The following MXD1 variants were observed in gnomAD, a reference collection of about 807,000 sequenced individuals.
MXD1 encodes the protein MAX-binding protein.
In MXD1, 9 loss-of-function variants were observed where a neutral mutation model predicts 25.7. The observed-to-expected ratio is 0.35, with a 90% CI of 0.21 to 0.61. MXD1 has a LOEUF of 0.61. Ranked by LOEUF, MXD1 falls within the 20% of genes least tolerant of loss-of-function variation. The probability of loss-of-function intolerance (pLI) is 0.75; values close to 1 mark genes in which losing one functional copy is unlikely to be tolerated. For synonymous variants in MXD1, 99 were observed against 113.9 expected (o/e 0.87, Z 0.83); for missense variants, 227 against 292.4 (o/e 0.78, Z 1.63).
At chr2:69,930,477 G>C (rs1002196087) in intron 3 of MXD1, among the ~76,000 whole-genome samples, 1 of 152,146 alleles carries the variant, frequency 6.6e-6, no homozygotes, top group Non-Finnish European at 1.5e-5. Flanking sequence ...ATGTGAACAG[G>C]AAATAAAGGA....
rs1399658295 is a variant in MXD1, at chr2:69,915,738, G to A, written c.73+335G>A. Among the ~76,000 whole-genome samples the A allele has an allele frequency of 1.3e-5, 2 of 152,218 alleles. No homozygotes were observed. Among genetic ancestry groups the A allele is most frequent in the Non-Finnish European group, 2.9e-5 (2 of 68,034 alleles). On this transcript the variant is annotated intron_variant, in intron 1 of 5. Coordinates refer to ENST00000264444, the MANE Select transcript of MXD1 (RefSeq NM_002357.4). This position sits in a 1 kb window ranked among gnomAD's most constrained non-coding sequence, Gnocchi z 5.8. ...CGGCCGGCCCCCAGGTGGGCCCGGC[G>A]CCCCAGTCTCCTGGGCAGAGGAGCA...
At chr2:69,916,780 A>G (rs1192966978) in intron 2 of MXD1, among the ~76,000 whole-genome samples, 1 of 152,218 alleles carries the variant, frequency 6.6e-6, no homozygotes, top group African/African-American at 2.4e-5. Flanking sequence ...CTCTTTAGTG[A>G]TAGAGGAATA....
In MXD1 at chr2:69,915,127, T is replaced by C. The variant is rs1370668631; in HGVS notation, c.-204T>C. The stretch of plus-strand genomic sequence containing the variant: ...GGCTGCTGCTCTGCTCCGGGTTCTG[T>C]CACTGTGTCGGCGGTGCCCAGCTCA... On this transcript the variant is annotated 5_prime_UTR_variant, in exon 1 of 6. Coordinates refer to ENST00000264444, the MANE Select transcript of MXD1 (RefSeq NM_002357.4). The surrounding 1 kb of genome is among the most constrained non-coding windows in gnomAD (Gnocchi z 5.8). The C allele has an allele frequency of 7.3e-6, 3 of 412,648 alleles. No individual in the cohort carries two copies. Among genetic ancestry groups the C allele is most frequent in the Non-Finnish European group, 1.3e-5 (3 of 236,728 alleles). The allele number at this position is 412,648 out of a possible 1,614,324, so 25.6% of individuals were successfully genotyped here.
At position 69,940,877 on chromosome 2, in the gene MXD1, C is replaced by T. The variant is rs1677579379; in HGVS notation, c.*2593C>T. 1 of 152,732 alleles carries T rather than the reference C, an allele frequency of 6.5e-6. No homozygotes were observed. Among genetic ancestry groups the T allele is most frequent in the Admixed American group, 6.5e-5 (1 of 15,288 alleles). The allele number at this position is 152,732 out of a possible 1,614,324, so 9.5% of individuals were successfully genotyped here. A position where few individuals can be genotyped will look rare whatever the true frequency, so the allele number is the denominator to read the frequency against. ...CAGCTAATCCCCCCAACCCCATCCT[C>T]CGCGCCCCGTGCGGCTGATCGGCAG... On this transcript the variant is annotated 3_prime_UTR_variant, in exon 6 of 6. Transcript: ENST00000264444.
chr2:69,937,568 AG>A (rs372383288), intron 5 of MXD1, among the ~76,000 whole-genome samples, 174 bp downstream of exon 5: 5 of 152,174 alleles, frequency 3.3e-5, no homozygotes, highest in African/African-American at 1.2e-4. Context: ...GCTAACACTT[AG>A]GTGACAACCC....
chr2:69,923,647 C>T (rs1308492512), intron 3 of MXD1, among the ~76,000 whole-genome samples: 3 of 152,056 alleles, frequency 2.0e-5, no homozygotes, highest in Non-Finnish European at 2.9e-5. Flanking sequence ...CTCATCCCAT[C>T]GTCTTCCCTT....
chr2:69,921,821 A>G, intron 3 of MXD1, 56 bp downstream of exon 3: 1 of 1,586,278 alleles, frequency 6.3e-7, no homozygotes, highest in Non-Finnish European at 8.6e-7. Context: ...TTCTCTGTTC[A>G]TGCAGTTCAA....
At chr2:69,917,049 C>A (rs550149944) in intron 2 of MXD1, among the ~76,000 whole-genome samples, 1 of 152,198 alleles carries the variant, frequency 6.6e-6, no homozygotes, top group Admixed American at 6.5e-5. Context: ...CTATACCTTT[C>A]CTGCCAGTAA....
At chr2:69,916,008 T>C (rs1676955698) in intron 1 of MXD1, 113 bp from the exon 2 acceptor site, 1 of 704,160 alleles carries the variant, frequency 1.4e-6, no homozygotes, top group South Asian at 1.7e-5. Context: ...TCCATTTAAT[T>C]ATTTCCACAA....
In MXD1 at chr2:69,935,410, A is replaced by C; in HGVS notation, c.263A>C (p.Glu88Ala). Reference protein sequence around the residue: ...KLKGLVPLGPESSRHTTLSLL... With the variant: ...KLKGLVPLGPASSRHTTLSLL... Reference sequence around the variant, plus strand: ...AAGGGGCTGGTGCCACTTGGACCCGAATCAAGTCGACACACTACGTTGAGT... The same window carrying C: ...AAGGGGCTGGTGCCACTTGGACCCGCATCAAGTCGACACACTACGTTGAGT... The change falls in exon 4 of 6, where the codon GAA becomes GCA. Residue 88 changes from glutamate (E) to alanine (A), a missense_variant. Transcript: ENST00000264444. 1 of 1,614,186 alleles carries C rather than the reference A, an allele frequency of 6.2e-7. No homozygotes were observed. The highest frequency in any genetic ancestry group is 8.5e-7 in the Non-Finnish European group (1 of 1,180,024).
chr2:69,941,105 A>AAT lies in MXD1; in HGVS notation c.*2825_*2826dup, dbSNP rs1440898975. Reference sequence around the variant, plus strand: ...TTGTACGTAAATACAGATGTGTATAAATATAGGCACATGCATATTTTTATG... The same window carrying AAT: ...TTGTACGTAAATACAGATGTGTATAAATATATAGGCACATGCATATTTTTATG... On this transcript the variant is annotated 3_prime_UTR_variant, in exon 6 of 6. Coordinates refer to ENST00000264444, the MANE Select transcript of MXD1 (RefSeq NM_002357.4). The AAT allele has an allele frequency of 6.6e-6, 1 of 152,230 alleles. No individual in the cohort carries two copies. Among genetic ancestry groups the AAT allele is most frequent in the Non-Finnish European group, 1.5e-5 (1 of 68,046 alleles). 9.4% of individuals were successfully genotyped at this position (152,230 alleles called of 1,614,324 possible). A position where few individuals can be genotyped will look rare whatever the true frequency, so the allele number is the denominator to read the frequency against.
In MXD1 at chr2:69,921,718, T is replaced by C. The variant is rs371223116; in HGVS notation, c.174-18T>C. ...AGACAAAAATATCTTATTCTTCTCTTATTGTTCCCTCTTTCAGATCAACTC... is the reference window on the plus strand; with the variant it reads ...AGACAAAAATATCTTATTCTTCTCTCATTGTTCCCTCTTTCAGATCAACTC... On this transcript the variant is annotated intron_variant, in intron 2 of 5. Coordinates refer to ENST00000264444, the MANE Select transcript of MXD1 (RefSeq NM_002357.4). The C allele has an allele frequency of 6.2e-7, 1 of 1,606,450 alleles. No homozygotes were observed. Among genetic ancestry groups the C allele is most frequent in the Non-Finnish European group, 8.5e-7 (1 of 1,175,948 alleles).
rs1245016004 is a variant in MXD1 at position 69,941,286 on chromosome 2, T to C, written c.*3002T>C. 2 of 152,220 alleles carry C rather than the reference T, an allele frequency of 1.3e-5. No individual in the cohort carries two copies. The highest frequency in any genetic ancestry group is 4.8e-5 in the African/African-American group (2 of 41,458). The allele number at this position is 152,220 out of a possible 1,614,324, so 9.4% of individuals were successfully genotyped here. On this transcript the variant is annotated 3_prime_UTR_variant, in exon 6 of 6. Coordinates refer to ENST00000264444, the MANE Select transcript of MXD1 (RefSeq NM_002357.4). ...TTCTGTAACATCCTGAAAACATAGC[T>C]TTCCATCCCCTGTTGGCTTTGAATG...
At chr2:69,916,273 A>G (rs1676961642) in intron 2 of MXD1, 53 bp downstream of exon 2, 1 of 1,064,840 alleles carries the variant, frequency 9.4e-7, no homozygotes, top group South Asian at 1.3e-5. Flanking sequence ...TAGGTGACAC[A>G]AACTGCTGAA....
At position 69,941,863 on chromosome 2, in the gene MXD1, TACACAC is replaced by T. The variant is rs373492726; in HGVS notation, c.*3597_*3602del. On this transcript the variant is annotated 3_prime_UTR_variant, in exon 6 of 6. Transcript: ENST00000264444. ...CTTATTTTTGAAAAGTATCTATATA[TACACAC>T]ACACACACACACACACATATTATTA... The T allele has an allele frequency of 4.8e-5, 7 of 144,736 alleles. No individual in the cohort carries two copies. The highest frequency in any genetic ancestry group is 2.1e-4 in the South Asian group (1 of 4,692). 9.0% of individuals were successfully genotyped at this position (144,736 alleles called of 1,614,324 possible).
intron 4 of MXD1, 94 bp downstream of exon 4, chr2:69,935,559 C>A: frequency 1.2e-6 from 1 of 806,662 alleles, no homozygotes; most frequent in Non-Finnish European, 2.1e-6. Flanking sequence ...CCCCTGAACT[C>A]CTCCAGTCTA....
rs965952891 is a variant in MXD1 at position 69,940,226 on chromosome 2, C to A, written c.*1942C>A. The A allele has an allele frequency of 6.6e-6, 1 of 151,296 alleles. No individual in the cohort carries two copies. The highest frequency in any genetic ancestry group is 1.5e-5 in the Non-Finnish European group (1 of 67,950). 9.4% of individuals were successfully genotyped at this position (151,296 alleles called of 1,614,324 possible). On this transcript the variant is annotated 3_prime_UTR_variant, in exon 6 of 6. Coordinates refer to ENST00000264444, the MANE Select transcript of MXD1 (RefSeq NM_002357.4). Reference sequence around the variant, plus strand: ...TTTGCACTGAAATACAACTTGTATGCCTTTTGCATTTTTAAAGCCTGCTTC... The same window carrying A: ...TTTGCACTGAAATACAACTTGTATGACTTTTGCATTTTTAAAGCCTGCTTC...
At chr2:69,935,820 AG>A (rs1259047206) in intron 4 of MXD1, among the ~76,000 whole-genome samples, 1 of 152,146 alleles carries the variant, frequency 6.6e-6, no homozygotes, top group African/African-American at 2.4e-5. Context: ...AAATCCTCAG[AG>A]GTCTCCCTAT....
In MXD1 at chr2:69,940,859, T is replaced by TC. The variant is rs1245957065; in HGVS notation, c.*2581dup. 2 of 152,568 alleles carry TC rather than the reference T, an allele frequency of 1.3e-5. No homozygotes were observed. The highest frequency in any genetic ancestry group is 4.8e-5 in the African/African-American group (2 of 41,396). 9.5% of individuals were successfully genotyped at this position (152,568 alleles called of 1,614,324 possible). A position where few individuals can be genotyped will look rare whatever the true frequency, so the allele number is the denominator to read the frequency against. On this transcript the variant is annotated 3_prime_UTR_variant, in exon 6 of 6. Transcript: ENST00000264444. ...AGCAAACTCAGCCCAAGGCAGCTAATCCCCCCAACCCCATCCTCCGCGCCC... is the reference window on the plus strand; with the variant it reads ...AGCAAACTCAGCCCAAGGCAGCTAATCCCCCCCAACCCCATCCTCCGCGCCC...
Sources: gnomAD v4.1 joint callset for allele counts (sites outside exome capture counted in the v4.1 genomes callset) on GRCh38, gnomAD v4.1.1 for gene constraint, Gnocchi (gnomAD v3.1) non-coding constraint, MANE v1.5 for transcripts, NCBI Gene and HGNC (gene_info 2026-07-23, HGNC 2026-07-21) for gene names.